Variants in FRMD6 observed in about 807,000 individuals in gnomAD.
The protein encoded by FRMD6 is FERM domain containing 6.
In FRMD6, 37 loss-of-function variants were observed where a neutral mutation model predicts 73.2. The ratio of observed to expected loss-of-function variants is 0.51; its 90% CI spans 0.39 to 0.66. The LOEUF is 0.66. Ranked by LOEUF, FRMD6 falls within the 30% of genes least tolerant of loss-of-function variation. The pLI, the probability that FRMD6 is intolerant of heterozygous loss-of-function variation, is 0.00. For synonymous variants in FRMD6, 273 were observed against 282.2 expected, an observed-to-expected ratio of 0.97 and a Z score of 0.33; for missense variants, 714 against 780.5, an observed-to-expected ratio of 0.91 and a Z score of 1.02.
chr14:51,721,815 T>C (rs1897633370), intron 11 of FRMD6, 134 bp from the exon 12 acceptor site: 5 of 869,402 alleles, frequency 5.8e-6, no homozygotes, highest in Non-Finnish European at 8.6e-6. Flanking sequence ...TCCCTGGAGT[T>C]TCCTATTGGA....
the FRMD6 span, among the ~76,000 whole-genome samples, chr14:51,471,217 C>T: frequency 3.3e-5 from 5 of 152,016 alleles, no homozygotes; most frequent in African/African-American, 1.2e-4. Context: ...TGGCCAGGTG[C>T]GGTGGCTCAC....
Position 51,715,380 on chromosome 14 carries a change from A to G in FRMD6, c.905A>G (p.Tyr302Cys), listed in dbSNP as rs745501320. 1.2e-6 allele frequency: 2 copies of G among 1,612,586 alleles called. No homozygotes were observed. Among genetic ancestry groups the G allele is most frequent in the Middle Eastern group, 1.7e-4 (1 of 6,046 alleles). Residue 302 changes from tyrosine to cysteine, a missense_variant, in exon 10 of 14, where the codon TAC becomes TGC. Tyr to Cys is a radical substitution (Grantham distance 194, BLOSUM62 -2). Coordinates refer to ENST00000344768, the MANE Select transcript of FRMD6 (RefSeq NM_001267046.2). ...TTGCCTTCTGCCCGGAAGCTCATAT[A>G]CTACACGGGGTGCCCCATGCGCTCC... is the stretch of plus-strand genomic sequence containing the variant. ...DGLPSARKLI[Y>C]YTGCPMRSRH...
intron 2 of FRMD6, among the ~76,000 whole-genome samples, chr14:51,578,631 A>G (rs1393864485): frequency 6.6e-6 from 1 of 152,212 alleles, no homozygotes; most frequent in African/African-American, 2.4e-5. Flanking sequence ...AAATGCTTGC[A>G]TTTGTTGAAT....
At chr14:51,670,481 A>G (rs1410965333) in intron 1 of FRMD6, among the ~76,000 whole-genome samples, 1 of 152,168 alleles carries the variant, frequency 6.6e-6, no homozygotes, top group Non-Finnish European at 1.5e-5. Flanking sequence ...GTACAGTACT[A>G]TTAACTAGCC....
chr14:51,465,631 A>C, the FRMD6 span, among the ~76,000 whole-genome samples: 1 of 152,250 alleles, frequency 6.6e-6, no homozygotes, highest in Non-Finnish European at 1.5e-5. Context: ...GCATGTATCA[A>C]GAGTTTGTTC....
At chr14:51,566,632 C>A (rs1887789740) in intron 1 of FRMD6, among the ~76,000 whole-genome samples, 1 of 152,150 alleles carries the variant, frequency 6.6e-6, no homozygotes. Flanking sequence ...GGCAATCCAC[C>A]ATCCTCGAAT....
intron 1 of FRMD6, among the ~76,000 whole-genome samples, chr14:51,663,024 C>A (rs1004140028): frequency 1.3e-5 from 2 of 152,058 alleles, no homozygotes; most frequent in African/African-American, 4.8e-5. Context: ...GAAAAAAAAG[C>A]TTGTCATTGA....
chr14:51,704,976 G>GGCATTTCTA, intron 6 of FRMD6, 41 bp downstream of exon 6: 1 of 1,552,444 alleles, frequency 6.4e-7, no homozygotes, highest in Non-Finnish European at 8.8e-7. Flanking sequence ...TTTTCTCTCG[G>GGCATTTCTA]GCATTTCTAG....
rs1594572915 is a variant in FRMD6, at chr14:51,594,679, T to A, written c.-147+24269T>A. On this transcript the variant is annotated intron_variant, in intron 2 of 14. Transcript: ENST00000356218. ...GGTTTCACTATGTTGGTGAGGCTGG[T>A]CTAGAACTCTTGACCTTAGGCGATC... 2.6e-5 allele frequency among the ~76,000 whole-genome samples: 4 copies of A among 151,754 alleles called. No homozygotes were observed. The South Asian group carries it at 8.3e-4, about 31-fold the overall frequency.
chr14:51,712,551 G>T lies in FRMD6; in HGVS notation c.849G>T (p.Val283=). 6.3e-7 allele frequency: 1 copy of T among 1,584,784 alleles called. No homozygotes were observed. Among genetic ancestry groups the T allele is most frequent in the Non-Finnish European group, 8.7e-7 (1 of 1,154,648 alleles). Residue 283 remains valine, a splice_region_variant and synonymous_variant, in exon 9 of 14, where the codon GTG becomes GTT. Transcript: ENST00000344768. ...PWTNVGKLVF[V]GKKFEILPDG... is the part of the protein sequence containing the mutation. ...CAAATGTTGGAAAATTGGTGTTTGT[G>T]GTAAGTTTAAAATAACTGGCTTAAA...
chr14:51,456,183 G>A, the FRMD6 span, among the ~76,000 whole-genome samples: 815 of 152,086 alleles, frequency 5.4e-3, 6 homozygotes, highest in African/African-American at 0.019. Flanking sequence ...TAAGTTCTGG[G>A]ATACATTCTG....
intron 2 of FRMD6, among the ~76,000 whole-genome samples, chr14:51,600,265 G>A (rs1889967046): frequency 6.6e-6 from 1 of 152,096 alleles, no homozygotes; most frequent in Non-Finnish European, 1.5e-5. Context: ...GCTGAGCTCA[G>A]GAGCTTAATT....
chr14:51,662,972 A>G (rs965503864), intron 1 of FRMD6, among the ~76,000 whole-genome samples: 2 of 152,236 alleles, frequency 1.3e-5, no homozygotes, highest in Admixed American at 1.3e-4. Context: ...TGACATGAAC[A>G]GACACTTGAA....
At chr14:51,661,298 A>G (rs923965310) in intron 1 of FRMD6, among the ~76,000 whole-genome samples, 2 of 152,214 alleles carry the variant, frequency 1.3e-5, no homozygotes, top group Non-Finnish European at 2.9e-5. Flanking sequence ...TGTAGAGAGA[A>G]GAAGAAATCA....
At chr14:51,543,004 T>C (rs1886281537) in intron 1 of FRMD6, among the ~76,000 whole-genome samples, 1 of 152,062 alleles carries the variant, frequency 6.6e-6, no homozygotes, top group South Asian at 2.1e-4. Flanking sequence ...GTTCTTTATA[T>C]AATTTGCAAA....
At chr14:51,441,193 T>C in the FRMD6 span, among the ~76,000 whole-genome samples, 1 of 152,254 alleles carries the variant, frequency 6.6e-6, no homozygotes, top group South Asian at 2.1e-4. Context: ...CTCTGTTATA[T>C]GGACACATTG....
At chr14:51,414,148 T>C in the FRMD6 span, among the ~76,000 whole-genome samples, 1 of 152,228 alleles carries the variant, frequency 6.6e-6, no homozygotes, top group Non-Finnish European at 1.5e-5. Context: ...GCAGAAGCTC[T>C]TTAGTTTAAT....
At chr14:51,506,879 A>G (rs554674170) in intron 1 of FRMD6, among the ~76,000 whole-genome samples, 168 of 152,322 alleles carry the variant, frequency 1.1e-3, no homozygotes, top group African/African-American at 3.9e-3. Context: ...TTAACATGGA[A>G]GGATAATATT....
intron 1 of FRMD6, among the ~76,000 whole-genome samples, chr14:51,498,557 C>A (rs1057024463): frequency 6.6e-6 from 1 of 152,180 alleles, no homozygotes; most frequent in African/African-American, 2.4e-5. Context: ...ACGTGGCTGC[C>A]TTCAGCTGGA....
Sources: allele counts gnomAD v4.1 joint callset (sites outside exome capture counted in the v4.1 genomes callset), GRCh38; gene constraint gnomAD v4.1.1; transcripts MANE v1.5; gene names NCBI Gene and HGNC (gene_info 2026-07-23, HGNC 2026-07-21).